The following STIMATE variants were observed in gnomAD, a reference collection of about 807,000 sequenced individuals.
STIMATE encodes the protein store-operated calcium entry regulator STIMATE.
A neutral mutation model predicts 36.7 loss-of-function variants in STIMATE; 15 were observed. The ratio of observed to expected loss-of-function variants is 0.41; its 90% CI spans 0.27 to 0.63. STIMATE has a LOEUF of 0.63. STIMATE is among the 20% of genes least tolerant of loss of function. The pLI is 0.32. For synonymous variants in STIMATE, 163 were observed against 162.3 expected, an observed-to-expected ratio of 1.00 and a Z score of -0.03; for missense variants, 305 against 397.3, an observed-to-expected ratio of 0.77 and a Z score of 1.98.
chr3:52,847,921 G>C (rs930811852), intron 4 of STIMATE, among the ~76,000 whole-genome samples: 2 of 152,172 alleles, frequency 1.3e-5, no homozygotes, highest in African/African-American at 2.4e-5. Context: ...CTTGGACGAC[G>C]GAAGGAGGGG....
intron 1 of STIMATE, among the ~76,000 whole-genome samples, chr3:52,856,803 G>A (rs1290956999): frequency 4.6e-5 from 7 of 152,240 alleles, no homozygotes; most frequent in Non-Finnish European, 7.3e-5. Context: ...CCCGATTTAC[G>A]TCTGAACCTT....
intron 1 of STIMATE, among the ~76,000 whole-genome samples, chr3:52,889,875 C>T (rs1054497124): frequency 2.0e-5 from 3 of 152,292 alleles, no homozygotes; most frequent in Non-Finnish European, 2.9e-5. Context: ...AATAATTTAA[C>T]GCATCCTCTT....
At chr3:52,879,645 G>A (rs1438120368) in intron 1 of STIMATE, among the ~76,000 whole-genome samples, 2 of 152,178 alleles carry the variant, frequency 1.3e-5, no homozygotes, top group Non-Finnish European at 2.9e-5. Flanking sequence ...AACTCCCAAT[G>A]CTCACTTTGT....
rs1700773154 is a variant in STIMATE at position 52,840,291 on chromosome 3, G to A, written c.*203C>T. On this transcript the variant is annotated 3_prime_UTR_variant, in exon 8 of 8. Transcript: ENST00000355083. ...TGCAACTGAATGGGGACCTCCAGCCGCCAGTGGCCCCCTCGGGCGCTGGCT... is the reference window on the plus strand; with the variant it reads ...TGCAACTGAATGGGGACCTCCAGCCACCAGTGGCCCCCTCGGGCGCTGGCT... 9.3e-6 allele frequency: 5 copies of A among 536,842 alleles called. No homozygotes were observed. Among genetic ancestry groups the A allele is most frequent in the Admixed American group, 3.4e-5 (1 of 29,438 alleles). The allele number at this position is 536,842 out of a possible 1,614,324, so 33.3% of individuals were successfully genotyped here.
At chr3:52,887,994 GTTTTTTTTTT>G (rs71087029) in intron 1 of STIMATE, among the ~76,000 whole-genome samples, 16 of 52,718 alleles carry the variant, frequency 3.0e-4, no homozygotes, top group East Asian at 2.3e-3. Flanking sequence ...AACAGAATCA[GTTTTTTTTTT>G]TTTTTTTTTT....
At chr3:52,878,093 TAAA>T (rs532307762) in intron 1 of STIMATE, among the ~76,000 whole-genome samples, 1 of 112,472 alleles carries the variant, frequency 8.9e-6, no homozygotes, top group Non-Finnish European at 1.9e-5. Context: ...GACTCCGTCT[TAAA>T]AAAAAAAAAA....
intron 1 of STIMATE, among the ~76,000 whole-genome samples, chr3:52,886,163 C>CA (rs1395563180): frequency 2.0e-5 from 3 of 152,024 alleles, no homozygotes; most frequent in African/African-American, 4.8e-5. Flanking sequence ...GGCTCTCAGT[C>CA]AAAAAAACCA....
intron 1 of STIMATE, among the ~76,000 whole-genome samples, chr3:52,892,153 G>T (rs1701793269): frequency 6.6e-6 from 1 of 152,146 alleles, no homozygotes; most frequent in Non-Finnish European, 1.5e-5. Context: ...ACTTTAAACA[G>T]ATATTAAAGC....
At chr3:52,850,002 G>T in intron 3 of STIMATE, 89 bp from the exon 4 acceptor site, 1 of 1,496,344 alleles carries the variant, frequency 6.7e-7, no homozygotes. Flanking sequence ...GGAAGCGGAT[G>T]GACCCAGCAT....
intron 1 of STIMATE, among the ~76,000 whole-genome samples, chr3:52,867,459 A>T (rs1027548704): frequency 2.8e-4 from 43 of 152,340 alleles, no homozygotes; most frequent in Non-Finnish European, 5.9e-4. Context: ...GGAAGCCATG[A>T]GCTCATACGC....
chr3:52,887,678 C>T (rs1701712062), intron 1 of STIMATE, among the ~76,000 whole-genome samples: 1 of 152,192 alleles, frequency 6.6e-6, no homozygotes, highest in Admixed American at 6.5e-5. Context: ...CCTCATATCA[C>T]CCCACACCAA....
chr3:52,864,822 A>G (rs757454179), intron 1 of STIMATE, among the ~76,000 whole-genome samples: 5 of 152,204 alleles, frequency 3.3e-5, no homozygotes, highest in Non-Finnish European at 4.4e-5. Context: ...TTGCTAAAAC[A>G]TAACAAGAAT....
At chr3:52,866,969 A>C (rs1157988031) in intron 1 of STIMATE, among the ~76,000 whole-genome samples, 1 of 152,232 alleles carries the variant, frequency 6.6e-6, no homozygotes, top group Non-Finnish European at 1.5e-5. Context: ...GGCTCCTGTC[A>C]GGTGCAGGGA....
chr3:52,893,859 G>T (rs527281513), intron 1 of STIMATE, among the ~76,000 whole-genome samples: 1 of 152,284 alleles, frequency 6.6e-6, no homozygotes, highest in East Asian at 1.9e-4. Flanking sequence ...ACTGTGCACG[G>T]TGAGGGAGGC....
chr3:52,867,304 C>A (rs765468748), intron 1 of STIMATE, among the ~76,000 whole-genome samples: 1 of 152,190 alleles, frequency 6.6e-6, no homozygotes, highest in Non-Finnish European at 1.5e-5. Context: ...TTATGACTTT[C>A]CAAAAGTAGA....
intron 1 of STIMATE, among the ~76,000 whole-genome samples, chr3:52,859,688 GAGAAAAAA>G (rs964475605): frequency 2.0e-5 from 3 of 150,368 alleles, no homozygotes; most frequent in African/African-American, 7.3e-5. Context: ...AAAAAAAAGA[GAGAAAAAA>G]AGAAAAAAAT....
At chr3:52,884,400 C>T (rs1162615819) in intron 1 of STIMATE, among the ~76,000 whole-genome samples, 1 of 152,072 alleles carries the variant, frequency 6.6e-6, no homozygotes. Context: ...CGCCCGCCAC[C>T]ACGCCCGGCT....
chr3:52,883,990 T>C (rs1322539368), intron 1 of STIMATE, among the ~76,000 whole-genome samples: 6 of 152,234 alleles, frequency 3.9e-5, no homozygotes, highest in Non-Finnish European at 8.8e-5. Context: ...TACATCATGA[T>C]TGTTAGTTAC....
In STIMATE at chr3:52,897,508, C is replaced by A; in HGVS notation, c.-58G>T. The A allele has an allele frequency of 8.4e-7, 1 of 1,192,594 alleles. No individual in the cohort carries two copies. The highest frequency in any genetic ancestry group is 1.6e-5 in the African/African-American group (1 of 62,764). 73.9% of individuals were successfully genotyped at this position (1,192,594 alleles called of 1,614,324 possible). A position where few individuals can be genotyped will look rare whatever the true frequency, so the allele number is the denominator to read the frequency against. On this transcript the variant is annotated 5_prime_UTR_variant, in exon 1 of 8. Transcript: ENST00000355083. ...GGGCCCGCCCGGCCTCGCTGCCTGC[C>A]GGCGCAGCGCCGCCAAACCCGCAGC...
Sources: allele counts gnomAD v4.1 joint callset (sites outside exome capture counted in the v4.1 genomes callset), GRCh38; gene constraint gnomAD v4.1.1; transcripts MANE v1.5; gene names NCBI Gene and HGNC (gene_info 2026-07-23, HGNC 2026-07-21).